SCEL: variants seen among roughly 807,000 people sequenced by gnomAD.
SCEL encodes the protein sciellin.
Under a neutral mutation model 117.6 loss-of-function variants are expected in SCEL, and 113 were observed. That is an observed-to-expected ratio of 0.96 (90% CI 0.83 to 1.12). SCEL has a LOEUF of 1.12. Among genes scored for constraint, SCEL ranks in the 50% most tolerant of loss-of-function variants. The pLI is 0.00. For missense variants in SCEL, 785 were observed against 810.8 expected (o/e 0.97, Z 0.39); for synonymous variants, 270 against 256.2 (o/e 1.05, Z -0.51).
Position 77,597,524 on chromosome 13 carries a change from C to T in SCEL, c.753-21C>T, listed in dbSNP as rs757719751. The T allele has an allele frequency of 1.2e-5, 18 of 1,441,232 alleles. No homozygotes were observed. In the African/African-American group the frequency reaches 2.6e-4, roughly 21 times the overall value. 89.3% of individuals were successfully genotyped at this position (1,441,232 alleles called of 1,614,324 possible). ...GGGCAAGCTTTTTACTAATGTTAAACATTTTTTTCTCTTCCCAAAGTGAAG... is the reference window on the plus strand; with the variant it reads ...GGGCAAGCTTTTTACTAATGTTAAATATTTTTTTCTCTTCCCAAAGTGAAG... On this transcript the variant is annotated intron_variant, in intron 12 of 32. Coordinates refer to ENST00000349847, the MANE Select transcript of SCEL (RefSeq NM_144777.3).
intron 1 of SCEL, among the ~76,000 whole-genome samples, chr13:77,539,028 C>A (rs1411778210): frequency 6.6e-6 from 1 of 152,174 alleles, no homozygotes; most frequent in Non-Finnish European, 1.5e-5. Flanking sequence ...CTCCCCAGTT[C>A]TCCCCAGGGT....
At chr13:77,605,639 A>T (rs1875633163) in intron 19 of SCEL, among the ~76,000 whole-genome samples, 1 of 152,206 alleles carries the variant, frequency 6.6e-6, no homozygotes, top group Non-Finnish European at 1.5e-5. Flanking sequence ...TATTTTCATC[A>T]TAATTTAGTG....
intron 29 of SCEL, among the ~76,000 whole-genome samples, 193 bp from the exon 30 acceptor site, chr13:77,636,927 T>C (rs1024683911): frequency 2.6e-5 from 4 of 152,144 alleles, no homozygotes; most frequent in Non-Finnish European, 4.4e-5. Context: ...TATTTTGGTA[T>C]ATATGTCAAA....
Position 77,637,174 on chromosome 13 carries a change from T to G in SCEL, c.1818T>G (p.Thr606=). Residue 606 remains threonine, a synonymous_variant, in exon 30 of 33, where the codon ACT becomes ACG. Transcript: ENST00000349847. The stretch of plus-strand genomic sequence containing the variant: ...ATATCTCTGGAAAATACATACAAAC[T>G]GTTTATTCAACTTCTGATAGGTGAG... ...QENISGKYIQ[T]VYSTSDRSVI... 6.4e-7 allele frequency: 1 copy of G among 1,559,464 alleles called. No homozygotes were observed. The highest frequency in any genetic ancestry group is 8.7e-7 in the Non-Finnish European group (1 of 1,154,642).
intron 22 of SCEL, among the ~76,000 whole-genome samples, chr13:77,611,841 C>T (rs1195952022): frequency 1.3e-5 from 2 of 152,114 alleles, no homozygotes; most frequent in African/African-American, 4.8e-5. Context: ...TCGTGAAACA[C>T]TTAGTGTTCA....
intron 15 of SCEL, chr13:77,600,085 A>G (rs1448146601): frequency 8.5e-6 from 2 of 236,020 alleles, no homozygotes; most frequent in East Asian, 1.8e-4. Flanking sequence ...TTATGAACTA[A>G]ATACATTTAT....
chr13:77,625,077 C>T (rs2089658575), intron 27 of SCEL, among the ~76,000 whole-genome samples: 1 of 152,144 alleles, frequency 6.6e-6, no homozygotes, highest in East Asian at 1.9e-4. Context: ...AGGGGAATCA[C>T]TTTGAGAAAC....
At chr13:77,565,752 TTA>T (rs1243950775) in intron 5 of SCEL, among the ~76,000 whole-genome samples, 1 of 152,178 alleles carries the variant, frequency 6.6e-6, no homozygotes, top group African/African-American at 2.4e-5. Context: ...TAAAATATAC[TTA>T]TGTGTGTAAA....
chr13:77,593,280 G>GTC (rs2086991198), intron 11 of SCEL, among the ~76,000 whole-genome samples: 1 of 112,246 alleles, frequency 8.9e-6, no homozygotes, highest in Non-Finnish European at 1.7e-5. Flanking sequence ...GTGTGTGTGT[G>GTC]TGTGTGTGTG....
chr13:77,569,490 C>A, intron 8 of SCEL, 39 bp downstream of exon 8: 1 of 1,446,340 alleles, frequency 6.9e-7, no homozygotes, highest in Non-Finnish European at 9.7e-7. Flanking sequence ...TGCTGATACA[C>A]TATGAAAGAC....
At chr13:77,633,027 G>A (rs1250089866) in intron 28 of SCEL, among the ~76,000 whole-genome samples, 2 of 152,180 alleles carry the variant, frequency 1.3e-5, no homozygotes, top group Non-Finnish European at 2.9e-5. Flanking sequence ...TGATAAAAAG[G>A]GCAATGTTAG....
chr13:77,610,117 T>C lies in SCEL; in HGVS notation c.1337+11T>C. The C allele has an allele frequency of 6.3e-7, 1 of 1,588,588 alleles. No homozygotes were observed. The highest frequency in any genetic ancestry group is 8.6e-7 in the Non-Finnish European group (1 of 1,162,756). On this transcript the variant is annotated intron_variant, in intron 22 of 32. Transcript: ENST00000349847. The stretch of plus-strand genomic sequence containing the variant: ...CAGAACTAACCAAGGGTAAGGTTTA[T>C]GGAACTCTCTATTTCTCCCCCCTTT...
At chr13:77,552,779 T>C (rs2084413996) in intron 1 of SCEL, among the ~76,000 whole-genome samples, 1 of 152,254 alleles carries the variant, frequency 6.6e-6, no homozygotes, top group South Asian at 2.1e-4. Flanking sequence ...CATGCCTATG[T>C]CCTGAATGGT....
At chr13:77,557,684 G>A (rs2084739655) in intron 3 of SCEL, among the ~76,000 whole-genome samples, 1 of 152,150 alleles carries the variant, frequency 6.6e-6, no homozygotes, top group Non-Finnish European at 1.5e-5. Context: ...TGGCAAGGTT[G>A]GGAGACATTT....
chr13:77,604,548 T>TG, intron 19 of SCEL, 133 bp downstream of exon 19: 1 of 625,608 alleles, frequency 1.6e-6, no homozygotes, highest in Non-Finnish European at 2.7e-6. Flanking sequence ...CTCTAAACAC[T>TG]TCATAGTAAG....
intron 1 of SCEL, among the ~76,000 whole-genome samples, chr13:77,547,786 A>G (rs1480122064): frequency 1.3e-5 from 2 of 152,210 alleles, no homozygotes; most frequent in African/African-American, 4.8e-5. Flanking sequence ...AAATGAGAAC[A>G]AGTGAAATAA....
intron 1 of SCEL, among the ~76,000 whole-genome samples, chr13:77,547,552 C>T (rs1287446752): frequency 6.6e-6 from 1 of 152,148 alleles, no homozygotes; most frequent in Non-Finnish European, 1.5e-5. Context: ...CATCCTCTGC[C>T]CATCTGGAAG....
chr13:77,556,724 G>A lies in SCEL; in HGVS notation c.161+11G>A, dbSNP rs368985576. ...CCCTGAAGAAGAAAAGTAAGCTGGT[G>A]TGGAGCGTGGTGGGTGGACAGAAGG... On this transcript the variant is annotated intron_variant, in intron 3 of 32. Coordinates refer to ENST00000349847, the MANE Select transcript of SCEL (RefSeq NM_144777.3). 1.2e-5 allele frequency: 19 copies of A among 1,563,122 alleles called. No individual in the cohort carries two copies. The highest frequency in any genetic ancestry group is 2.2e-5 in the East Asian group (1 of 44,674).
chr13:77,610,386 A>T (rs937031110), intron 22 of SCEL, among the ~76,000 whole-genome samples: 2 of 147,016 alleles, frequency 1.4e-5, no homozygotes, highest in African/African-American at 5.0e-5. Context: ...CAGGAGGTGG[A>T]GGTTGCAGTG....
Sources: allele counts gnomAD v4.1 joint callset (sites outside exome capture counted in the v4.1 genomes callset), GRCh38; gene constraint gnomAD v4.1.1; transcripts MANE v1.5; gene names NCBI Gene and HGNC (gene_info 2026-07-23, HGNC 2026-07-21).